Variants in TCF12 observed in about 807,000 individuals in gnomAD.
TCF12 encodes transcription factor 12, also known as DNA-binding protein HTF4.
In TCF12, 45 loss-of-function variants were observed where a neutral mutation model predicts 86.0. The observed-to-expected ratio is 0.52, with a 90% confidence interval of 0.41 to 0.67. The LOEUF is 0.67. Ranked by LOEUF, TCF12 falls within the 30% of genes least tolerant of loss-of-function variation. TCF12 has a pLI of 0.00. For missense variants in TCF12, 881 were observed against 859.9 expected (o/e 1.02, Z -0.31); for synonymous variants, 330 against 299.6 (o/e 1.10, Z -1.05).
intron 5 of TCF12, among the ~76,000 whole-genome samples, chr15:57,127,128 A>G (rs949854599): frequency 1.2e-4 from 18 of 151,604 alleles, no homozygotes; most frequent in African/African-American, 3.9e-4. Context: ...GATTACACGC[A>G]CCCACCACCA....
intron 3 of TCF12, among the ~76,000 whole-genome samples, chr15:56,941,411 T>C (rs2060768745): frequency 6.6e-6 from 1 of 151,754 alleles, no homozygotes; most frequent in African/African-American, 2.4e-5. Flanking sequence ...TTGCTGTTGT[T>C]GCCCAGGCTG....
intron 4 of TCF12, among the ~76,000 whole-genome samples, chr15:57,084,539 C>T (rs1453560769): frequency 1.3e-5 from 2 of 152,146 alleles, no homozygotes; most frequent in Non-Finnish European, 2.9e-5. Flanking sequence ...GATGCAGATT[C>T]TGGATTCACT....
At chr15:57,252,596 C>A in intron 15 of TCF12, 104 bp downstream of exon 15, 1 of 930,770 alleles carries the variant, frequency 1.1e-6, no homozygotes, top group South Asian at 1.7e-5. Context: ...CTTTAAAAAT[C>A]AAACAGTTGA....
Position 57,165,163 on chromosome 15 carries a change from T to TGTGTGC in TCF12, c.326-1238_326-1237insTGTGCG, listed in dbSNP as rs59380805. ...GTGTGTGTGTGTGTGTGTGTGTGTG[T>TGTGTGC]GCGTACACGAGATGTGCAAGGATAT... On this transcript the variant is annotated intron_variant, in intron 5 of 20. Transcript: ENST00000333725. Among the ~76,000 whole-genome samples, 991 of 149,398 alleles carry TGTGTGC rather than the reference T, an allele frequency of 6.6e-3. 6 individuals are homozygous for TGTGTGC. The highest frequency in any genetic ancestry group is 0.011 in the Non-Finnish European group (748 of 67,584).
At chr15:57,022,123 T>A (rs899796122) in intron 3 of TCF12, among the ~76,000 whole-genome samples, 3 of 152,174 alleles carry the variant, frequency 2.0e-5, no homozygotes, top group Non-Finnish European at 4.4e-5. Flanking sequence ...AACGTGCAGG[T>A]TTGATACACA....
At chr15:57,007,967 C>A (rs577524464) in intron 3 of TCF12, among the ~76,000 whole-genome samples, 172 of 147,536 alleles carry the variant, frequency 1.2e-3, no homozygotes, top group African/African-American at 4.2e-3. Context: ...CTCTGTCTCT[C>A]TCTCTCTCTC....
chr15:57,248,138 T>C (rs1192553286), intron 13 of TCF12: 1 of 701,500 alleles, frequency 1.4e-6, no homozygotes. Flanking sequence ...TTAAGGATCC[T>C]TTTCCAGAAG....
At chr15:57,151,390 T>G (rs1054123128) in intron 5 of TCF12, among the ~76,000 whole-genome samples, 5 of 152,082 alleles carry the variant, frequency 3.3e-5, no homozygotes, top group Non-Finnish European at 7.4e-5. Flanking sequence ...AATCAGTGAA[T>G]TTGTAGGCAT....
intron 13 of TCF12, among the ~76,000 whole-genome samples, chr15:57,249,804 T>A (rs1456219751): frequency 6.6e-6 from 1 of 152,188 alleles, no homozygotes; most frequent in Non-Finnish European, 1.5e-5. Flanking sequence ...TCACTGAAGC[T>A]TTTATTAAGA....
chr15:57,207,178 A>C (rs561274714), intron 8 of TCF12, among the ~76,000 whole-genome samples: 6 of 152,282 alleles, frequency 3.9e-5, no homozygotes, highest in Admixed American at 2.0e-4. Flanking sequence ...GTTCCAACCC[A>C]AGTGTGACTG....
chr15:57,183,938 G>A (rs1381979922), intron 6 of TCF12, among the ~76,000 whole-genome samples: 1 of 151,512 alleles, frequency 6.6e-6, no homozygotes, highest in Admixed American at 6.6e-5. Context: ...AGAAATATAG[G>A]AAATACACTT....
intron 3 of TCF12, among the ~76,000 whole-genome samples, chr15:57,055,900 T>G (rs1479188458): frequency 6.6e-6 from 1 of 152,192 alleles, no homozygotes; most frequent in Non-Finnish European, 1.5e-5. Flanking sequence ...CATATTTTCT[T>G]TGTTCTCTCA....
chr15:57,218,442 A>C (rs1289474802), intron 8 of TCF12, among the ~76,000 whole-genome samples: 3 of 152,210 alleles, frequency 2.0e-5, no homozygotes, highest in African/African-American at 7.2e-5. Context: ...TTTTGTAGAC[A>C]ACTTTTAAAA....
chr15:57,080,345 G>A (rs1211535928), intron 4 of TCF12, among the ~76,000 whole-genome samples: 1 of 152,172 alleles, frequency 6.6e-6, no homozygotes, highest in Non-Finnish European at 1.5e-5. Context: ...AGAAAGCAGG[G>A]GTACTGTCTG....
intron 3 of TCF12, among the ~76,000 whole-genome samples, chr15:56,940,680 C>T (rs1858836948): frequency 6.8e-6 from 1 of 146,076 alleles, no homozygotes; most frequent in African/African-American, 2.6e-5. Flanking sequence ...CCCTCTCCTT[C>T]TCCCTCTCCC....
chr15:57,086,131 A>C (rs1252563512), intron 4 of TCF12, among the ~76,000 whole-genome samples: 1 of 151,544 alleles, frequency 6.6e-6, no homozygotes, highest in African/African-American at 2.4e-5. Flanking sequence ...TGAGGATGTC[A>C]TTGTTGGGGG....
chr15:57,165,908 C>G (rs2054857371), intron 5 of TCF12, among the ~76,000 whole-genome samples: 2 of 152,152 alleles, frequency 1.3e-5, no homozygotes, highest in African/African-American at 4.8e-5. Context: ...GGAAAACATT[C>G]TAACTAGTGG....
chr15:56,926,056 A>C (rs915672078), intron 3 of TCF12, among the ~76,000 whole-genome samples: 4 of 152,224 alleles, frequency 2.6e-5, no homozygotes, highest in Non-Finnish European at 5.9e-5. Context: ...TCACGCCTGT[A>C]ATCACAGCGT....
chr15:56,964,461 C>G (rs773410224), intron 3 of TCF12, among the ~76,000 whole-genome samples: 1 of 152,272 alleles, frequency 6.6e-6, no homozygotes, highest in East Asian at 1.9e-4. Context: ...TGGTTTTGCT[C>G]TGTGGCTGTT....
Sources: allele counts gnomAD v4.1 joint callset (sites outside exome capture counted in the v4.1 genomes callset), GRCh38; gene constraint gnomAD v4.1.1; transcripts MANE v1.5; gene names NCBI Gene and HGNC (gene_info 2026-07-23, HGNC 2026-07-21).